The following NOL4 variants were observed in gnomAD, a reference collection of about 807,000 sequenced individuals.
The protein encoded by NOL4 is nucleolar protein 4.
NOL4 carries 17 observed loss-of-function variants against 75.9 expected under a neutral mutation model. The ratio of observed to expected loss-of-function variants is 0.22; its 90% CI spans 0.15 to 0.34. NOL4 has a LOEUF of 0.34. NOL4 is among the 10% of genes least tolerant of loss of function. The pLI, the probability that NOL4 is intolerant of heterozygous loss-of-function variation, is 1.00. For synonymous variants in NOL4, 292 were observed against 289.9 expected, an observed-to-expected ratio of 1.01 and a Z score of -0.07; for missense variants, 614 against 793.5, an observed-to-expected ratio of 0.77 and a Z score of 2.72.
chr18:34,209,440 C>A (rs2036361917), intron 1 of NOL4, among the ~76,000 whole-genome samples: 1 of 151,924 alleles, frequency 6.6e-6, no homozygotes, highest in Non-Finnish European at 1.5e-5. Flanking sequence ...TGATGAATGG[C>A]AAGAGAACTA....
intron 1 of NOL4, among the ~76,000 whole-genome samples, chr18:34,181,656 C>T (rs550702884): frequency 3.3e-5 from 5 of 151,422 alleles, no homozygotes; most frequent in South Asian, 2.1e-4. Flanking sequence ...AAAATATTTG[C>T]TCATTATATA....
intron 5 of NOL4, among the ~76,000 whole-genome samples, chr18:34,021,282 G>A (rs2075022214): frequency 6.6e-6 from 1 of 152,212 alleles, no homozygotes; most frequent in Admixed American, 6.5e-5. Context: ...GCTTCCTAAA[G>A]AAGGTGATAT....
intron 1 of NOL4, among the ~76,000 whole-genome samples, chr18:34,207,637 T>G (rs1183068936): frequency 6.6e-6 from 1 of 152,178 alleles, no homozygotes; most frequent in East Asian, 1.9e-4. Flanking sequence ...TCCCTCACAC[T>G]CTCTAATTCC....
chr18:33,923,029 A>C (rs1203077974), intron 9 of NOL4, among the ~76,000 whole-genome samples: 1 of 152,192 alleles, frequency 6.6e-6, no homozygotes, highest in Non-Finnish European at 1.5e-5. Flanking sequence ...TTCATACTGT[A>C]TATATATTTT....
At chr18:33,859,853 G>C (rs919907308) in intron 10 of NOL4, among the ~76,000 whole-genome samples, 1 of 152,114 alleles carries the variant, frequency 6.6e-6, no homozygotes, top group Non-Finnish European at 1.5e-5. Flanking sequence ...AGGAGGCAGA[G>C]GTTTCAGTGG....
intron 9 of NOL4, among the ~76,000 whole-genome samples, chr18:33,932,132 C>A (rs1222511088): frequency 7.2e-5 from 11 of 151,940 alleles, no homozygotes. Context: ...GCCATAGTAT[C>A]CCCACATTTC....
intron 1 of NOL4, among the ~76,000 whole-genome samples, chr18:34,134,533 A>G (rs934676660): frequency 1.3e-5 from 2 of 151,836 alleles, no homozygotes; most frequent in Non-Finnish European, 2.9e-5. Context: ...GGAGAAATAG[A>G]CAATTCAACA....
At chr18:34,050,005 G>T (rs1289067874) in intron 5 of NOL4, among the ~76,000 whole-genome samples, 1 of 152,066 alleles carries the variant, frequency 6.6e-6, no homozygotes, top group African/African-American at 2.4e-5. Flanking sequence ...ACATTTAGTA[G>T]TTCATTTAAA....
chr18:33,857,121 A>C (rs1432570504), intron 10 of NOL4, among the ~76,000 whole-genome samples: 1 of 152,032 alleles, frequency 6.6e-6, no homozygotes, highest in African/African-American at 2.4e-5. Context: ...CCTGATAGTT[A>C]CCTTTTATTA....
chr18:33,886,920 A>ATATATATC (rs201554518), intron 9 of NOL4, among the ~76,000 whole-genome samples: 1 of 118,562 alleles, frequency 8.4e-6, no homozygotes, highest in Non-Finnish European at 1.9e-5. Flanking sequence ...ATCTATATAC[A>ATATATATC]TATATATCTA....
At chr18:33,936,787 C>A (rs1321344296) in intron 9 of NOL4, among the ~76,000 whole-genome samples, 2 of 152,062 alleles carry the variant, frequency 1.3e-5, no homozygotes, top group African/African-American at 2.4e-5. Flanking sequence ...AACTTTCTAC[C>A]TTAATCAGTC....
Position 34,130,008 on chromosome 18 carries a change from C to T in NOL4, c.277G>A (p.Val93Ile). Residue 93 changes from valine to isoleucine, a missense_variant, in exon 2 of 11, where the codon GTA becomes ATA. Physicochemically the swap from Val to Ile is conservative, Grantham distance 29. Transcript: ENST00000261592. Reference protein sequence around the residue: ...VPVKTTDGVGVDEKLSLRRVA... With the variant: ...VPVKTTDGVGIDEKLSLRRVA... Reference sequence around the variant, plus strand: ...CGTCGTAAAGATAGCTTCTCATCTACCCCTACGCCATCCTGGAAACAAAAC... The same window carrying T: ...CGTCGTAAAGATAGCTTCTCATCTATCCCTACGCCATCCTGGAAACAAAAC... The T allele has an allele frequency of 5.1e-6, 8 of 1,569,320 alleles. No homozygotes were observed. Among genetic ancestry groups the T allele is most frequent in the Non-Finnish European group, 6.9e-6 (8 of 1,158,844 alleles).
intron 5 of NOL4, 25 bp downstream of exon 5, chr18:34,093,440 T>C: frequency 1.3e-6 from 2 of 1,546,070 alleles, no homozygotes; most frequent in African/African-American, 1.4e-5. Context: ...TTGTTTTGCT[T>C]ATTTAGTCAA....
intron 10 of NOL4, among the ~76,000 whole-genome samples, chr18:33,862,595 CA>C (rs2063206550): frequency 6.6e-6 from 1 of 152,094 alleles, no homozygotes; most frequent in African/African-American, 2.4e-5. Flanking sequence ...AGAGCCCCAT[CA>C]AAAAGTGGAC....
At chr18:33,973,842 C>A (rs2071274197) in intron 6 of NOL4, among the ~76,000 whole-genome samples, 1 of 152,114 alleles carries the variant, frequency 6.6e-6, no homozygotes, top group Non-Finnish European at 1.5e-5. Context: ...GGCTCTGTTC[C>A]ATTTATAGAG....
At chr18:33,898,272 T>C (rs2065539414) in intron 9 of NOL4, among the ~76,000 whole-genome samples, 1 of 152,164 alleles carries the variant, frequency 6.6e-6, no homozygotes, top group Non-Finnish European at 1.5e-5. Flanking sequence ...TCTCTTTTGG[T>C]AAAATAGTTG....
At chr18:34,041,471 T>C (rs964540479) in intron 5 of NOL4, among the ~76,000 whole-genome samples, 1 of 151,468 alleles carries the variant, frequency 6.6e-6, no homozygotes, top group African/African-American at 2.4e-5. Flanking sequence ...TCTTTCCTGA[T>C]ATGGGAAATA....
chr18:33,938,515 C>G (rs2068228125), intron 9 of NOL4, among the ~76,000 whole-genome samples: 1 of 152,060 alleles, frequency 6.6e-6, no homozygotes, highest in Non-Finnish European at 1.5e-5. Flanking sequence ...TTTTGATTTG[C>G]ATTTCTCTAA....
At chr18:34,130,676 A>T (rs945390751) in intron 1 of NOL4, among the ~76,000 whole-genome samples, 1 of 152,162 alleles carries the variant, frequency 6.6e-6, no homozygotes, top group Admixed American at 6.6e-5. Flanking sequence ...TAAAGAGCCC[A>T]CTACACAAAA....
Sources: gnomAD v4.1 joint callset for allele counts (sites outside exome capture counted in the v4.1 genomes callset) on GRCh38, gnomAD v4.1.1 for gene constraint, MANE v1.5 for transcripts, NCBI Gene and HGNC (gene_info 2026-07-23, HGNC 2026-07-21) for gene names.